Variants in CNTN1 observed in about 807,000 individuals in gnomAD.
The protein encoded by CNTN1 is contactin-1.
Under a neutral mutation model 126.4 loss-of-function variants are expected in CNTN1, and 38 were observed. The observed-to-expected ratio is 0.30, with a 90% CI of 0.23 to 0.39. CNTN1 has a LOEUF of 0.39. CNTN1 is among the 10% of genes least tolerant of loss of function. The pLI is 1.00. For synonymous variants in CNTN1, 413 were observed against 422.6 expected (o/e 0.98, Z 0.28); for missense variants, 1,009 against 1,248.4 (o/e 0.81, Z 2.89).
At chr12:40,814,360 A>AG (rs1220515026) in intron 1 of CNTN1, among the ~76,000 whole-genome samples, 1 of 152,092 alleles carries the variant, frequency 6.6e-6, no homozygotes, top group Non-Finnish European at 1.5e-5. Flanking sequence ...AGCCATCTTG[A>AG]GTTAATTTTT....
chr12:40,916,860 T>C (rs1429765571), intron 3 of CNTN1, among the ~76,000 whole-genome samples: 1 of 152,048 alleles, frequency 6.6e-6, no homozygotes, highest in Non-Finnish European at 1.5e-5. Context: ...GAGCTAAGTC[T>C]CAGTTCCTCT....
At chr12:40,990,475 C>T (rs779167966) in intron 16 of CNTN1, among the ~76,000 whole-genome samples, 1 of 152,104 alleles carries the variant, frequency 6.6e-6, no homozygotes, top group Non-Finnish European at 1.5e-5. Context: ...TTCTTCATCT[C>T]ACTCGTTAAA....
At chr12:40,699,707 G>C (rs144352127) in intron 1 of CNTN1, among the ~76,000 whole-genome samples, 1 of 151,708 alleles carries the variant, frequency 6.6e-6, no homozygotes, top group Non-Finnish European at 1.5e-5. Context: ...TTGATCCTTC[G>C]TAACAGTTTT....
At chr12:40,983,645 T>C (rs1460179297) in intron 16 of CNTN1, among the ~76,000 whole-genome samples, 1 of 151,084 alleles carries the variant, frequency 6.6e-6, no homozygotes, top group East Asian at 1.9e-4. Flanking sequence ...GTTTTATAAT[T>C]TTATTAGCTT....
At chr12:40,924,288 A>T (rs1945552158) in intron 5 of CNTN1, among the ~76,000 whole-genome samples, 1 of 152,124 alleles carries the variant, frequency 6.6e-6, no homozygotes, top group African/African-American at 2.4e-5. Context: ...AAAAGTCTTC[A>T]GGATATTTGT....
rs1021495094 is a variant in CNTN1, at chr12:41,020,201, T to C, written c.2420-136T>C. Reference sequence around the variant, plus strand: ...AGGTAATGAAATAATTGCACTTAGTTTGAAAATAGTAAAGCTATTTTAGAA... The same window carrying C: ...AGGTAATGAAATAATTGCACTTAGTCTGAAAATAGTAAAGCTATTTTAGAA... On this transcript the variant is annotated intron_variant, in intron 19 of 23. Transcript: ENST00000551295. The C allele has an allele frequency of 3.3e-5, 20 of 606,834 alleles. No homozygotes were observed. In the Admixed American group the frequency reaches 5.3e-4, roughly 16 times the overall value. 37.6% of individuals were successfully genotyped at this position (606,834 alleles called of 1,614,324 possible).
At chr12:40,727,584 A>G (rs895368000) in intron 1 of CNTN1, among the ~76,000 whole-genome samples, 1 of 152,224 alleles carries the variant, frequency 6.6e-6, no homozygotes, top group Admixed American at 6.5e-5. Context: ...AGATTAACTT[A>G]CATACTAAAC....
rs539665667 is a variant in CNTN1 at position 40,908,398 on chromosome 12, T to G, written c.-35T>G. The G allele has an allele frequency of 1.9e-6, 3 of 1,594,642 alleles. No homozygotes were observed. In the African/African-American group the frequency reaches 4.0e-5, roughly 21 times the overall value. On this transcript the variant is annotated 5_prime_UTR_variant, in exon 2 of 24. Transcript: ENST00000551295. ...AACTGCCATAGAGCTAAATTCTTTT[T>G]TGGAAAATTGAACCGAACTTCTACT...
intron 17 of CNTN1, among the ~76,000 whole-genome samples, chr12:41,008,210 G>C (rs1400899878): frequency 6.6e-6 from 1 of 152,164 alleles, no homozygotes; most frequent in Non-Finnish European, 1.5e-5. Flanking sequence ...TTTGGAGTTT[G>C]ATTGTTTCTA....
intron 23 of CNTN1, among the ~76,000 whole-genome samples, chr12:41,034,883 G>A (rs1378123851): frequency 2.0e-5 from 3 of 152,146 alleles, no homozygotes; most frequent in African/African-American, 7.2e-5. Flanking sequence ...ATTCAACTTT[G>A]GGAGGCAACT....
At chr12:40,944,602 A>T (rs1293603897) in intron 14 of CNTN1, among the ~76,000 whole-genome samples, 3 of 152,000 alleles carry the variant, frequency 2.0e-5, no homozygotes, top group African/African-American at 7.2e-5. Flanking sequence ...ATGTTGGAGA[A>T]TTTGGAGAAT....
intron 17 of CNTN1, among the ~76,000 whole-genome samples, chr12:40,994,065 T>C (rs969046978): frequency 5.9e-5 from 9 of 152,136 alleles, no homozygotes; most frequent in Non-Finnish European, 1.2e-4. Flanking sequence ...TTGTCACTTC[T>C]ACTTTGAGAT....
chr12:40,996,649 T>C (rs981167419), intron 17 of CNTN1, among the ~76,000 whole-genome samples: 4 of 152,182 alleles, frequency 2.6e-5, no homozygotes, highest in Admixed American at 6.5e-5. Context: ...CATTTAGCAA[T>C]ACATTTCCAA....
intron 1 of CNTN1, among the ~76,000 whole-genome samples, chr12:40,757,196 C>T (rs1452314400): frequency 1.3e-5 from 2 of 152,038 alleles, no homozygotes; most frequent in South Asian, 2.1e-4. Flanking sequence ...GGTTCTACTC[C>T]TATGATCTCA....
chr12:40,978,773 C>T (rs1947747879), intron 15 of CNTN1: 1 of 152,116 alleles, frequency 6.6e-6, no homozygotes, highest in South Asian at 2.1e-4. Context: ...AGAATAACAG[C>T]AGGGAAATGA....
intron 1 of CNTN1, among the ~76,000 whole-genome samples, chr12:40,843,648 A>C (rs1160777125): frequency 6.6e-6 from 1 of 152,216 alleles, no homozygotes; most frequent in African/African-American, 2.4e-5. Context: ...CAAAACTAGC[A>C]AATGCATCCC....
chr12:41,021,057 C>CTAA (rs1948896201), intron 20 of CNTN1, among the ~76,000 whole-genome samples: 1 of 152,204 alleles, frequency 6.6e-6, no homozygotes, highest in East Asian at 1.9e-4. Flanking sequence ...TAATACAATG[C>CTAA]TAATGCAATT....
chr12:40,965,600 T>G (rs1166029982), intron 15 of CNTN1, among the ~76,000 whole-genome samples: 1 of 152,188 alleles, frequency 6.6e-6, no homozygotes, highest in Admixed American at 6.5e-5. Context: ...AGACATGCAT[T>G]ATAAACAGAT....
intron 1 of CNTN1, among the ~76,000 whole-genome samples, chr12:40,773,656 C>CAT (rs1565715561): frequency 6.9e-3 from 58 of 8,422 alleles, no homozygotes; most frequent in African/African-American, 0.012. Flanking sequence ...TATATATATA[C>CAT]ACATATATAT....
Sources: allele counts gnomAD v4.1 joint callset (sites outside exome capture counted in the v4.1 genomes callset), GRCh38; gene constraint gnomAD v4.1.1; transcripts MANE v1.5; gene names NCBI Gene and HGNC (gene_info 2026-07-23, HGNC 2026-07-21).